Variants in HAPLN4 observed in about 807,000 individuals in gnomAD.
The protein encoded by HAPLN4 is brain link protein 2.
In HAPLN4, 19 loss-of-function variants were observed where a neutral mutation model predicts 28.0. The ratio of observed to expected loss-of-function variants is 0.68; its 90% CI spans 0.47 to 1.00. The LOEUF is 1.00. Among genes scored for constraint, HAPLN4 ranks in the 50% least tolerant of loss-of-function variants. The probability of loss-of-function intolerance (pLI) is 0.00; values close to 1 mark genes in which losing one functional copy is unlikely to be tolerated. For synonymous variants in HAPLN4, 274 were observed against 273.0 expected (o/e 1.00, Z -0.03); for missense variants, 587 against 602.6 (o/e 0.97, Z 0.27).
In HAPLN4 at chr19:19,256,808, T is replaced by C. The variant is rs908499747; in HGVS notation, c.*1009A>G. 1 of 152,408 alleles carries C rather than the reference T, an allele frequency of 6.6e-6. No individual in the cohort carries two copies. Among genetic ancestry groups the C allele is most frequent in the African/African-American group, 2.4e-5 (1 of 41,252 alleles). The allele number at this position is 152,408 out of a possible 1,614,324, so 9.4% of individuals were successfully genotyped here. On this transcript the variant is annotated 3_prime_UTR_variant, in exon 5 of 5. Coordinates refer to ENST00000291481, the MANE Select transcript of HAPLN4 (RefSeq NM_023002.3). ...GGGTGGGGGCCAATGAGATGAGAAA[T>C]GTGTGGTATCCATGGTTACAGCTGG...
intron 3 of HAPLN4, among the ~76,000 whole-genome samples, chr19:19,259,524 C>A (rs1012269936): frequency 6.6e-6 from 1 of 151,192 alleles, no homozygotes; most frequent in Non-Finnish European, 1.5e-5. Flanking sequence ...GGGAGAAGGC[C>A]TGGAGCTGAC....
rs755332618 is a variant in HAPLN4, at chr19:19,260,920, G to C, written c.377C>G (p.Ala126Gly). 1 of 1,614,020 alleles carries C rather than the reference G, an allele frequency of 6.2e-7. No individual in the cohort carries two copies. The highest frequency in any genetic ancestry group is 1.7e-5 in the Admixed American group (1 of 60,026). The change falls in exon 3 of 5, where the codon GCC becomes GGC. Residue 126 changes from alanine (A) to glycine (G), a missense_variant. By Grantham distance (60) the Ala-to-Gly change is moderately conservative. Coordinates refer to ENST00000291481, the MANE Select transcript of HAPLN4 (RefSeq NM_023002.3). ...CGTGACGTTGCGGAGGACCAGGGAG[G>C]CATCCCCAGGCCCGTCGCCCTGCAG... ...AELQGDGPGD[A>G]SLVLRNVTLQ...
At chr19:19,262,121 C>CAGATGTAGAGGGAGAGACAG (rs2060985751) in intron 1 of HAPLN4, among the ~76,000 whole-genome samples, 3 of 147,992 alleles carry the variant, frequency 2.0e-5, no homozygotes, top group African/African-American at 7.5e-5. Flanking sequence ...AAAGAAGAGA[C>CAGATGTAGAGGGAGAGACAG]AGATGTAGAG....
At position 19,257,657 on chromosome 19, in the gene HAPLN4, G is replaced by T; in HGVS notation, c.*160C>A. 1.2e-6 allele frequency: 1 copy of T among 811,880 alleles called. No homozygotes were observed. Among genetic ancestry groups the T allele is most frequent in the Non-Finnish European group, 1.7e-6 (1 of 591,848 alleles). The allele number at this position is 811,880 out of a possible 1,614,324, so 50.3% of individuals were successfully genotyped here. A position where few individuals can be genotyped will look rare whatever the true frequency, so the allele number is the denominator to read the frequency against. ...GAACTCCAAAGTACTGTTCTGCCAG[G>T]ACTAGCCAGTCTTCAGGGACCCCAG... On this transcript the variant is annotated 3_prime_UTR_variant, in exon 5 of 5. Coordinates refer to ENST00000291481, the MANE Select transcript of HAPLN4 (RefSeq NM_023002.3).
intron 3 of HAPLN4, 109 bp downstream of exon 3, chr19:19,260,704 C>G: frequency 7.2e-7 from 1 of 1,392,306 alleles, no homozygotes; most frequent in Non-Finnish European, 9.8e-7. Context: ...TCTACCCCAA[C>G]CAACCTTCTA....
In HAPLN4 at chr19:19,261,021, C is replaced by T; in HGVS notation, c.276G>A (p.Pro92=). The T allele has an allele frequency of 2.5e-6, 4 of 1,613,582 alleles. No individual in the cohort carries two copies. Among genetic ancestry groups the T allele is most frequent in the Non-Finnish European group, 2.5e-6 (3 of 1,180,000 alleles). ...CCACGAAGACGTCGGTGAAGGCCAG[C>T]GGGTCCACCACCTTTGTCCACTTGA... The part of the protein sequence containing the change: ...VRLKWTKVVD[P]LAFTDVFVAL... Residue 92 remains proline, a synonymous_variant, in exon 3 of 5, where the codon CCG becomes CCA. Coordinates refer to ENST00000291481, the MANE Select transcript of HAPLN4 (RefSeq NM_023002.3).
At position 19,261,008 on chromosome 19, in the gene HAPLN4, C is replaced by T; in HGVS notation, c.289G>A (p.Asp97Asn). 5 of 1,613,686 alleles carry T rather than the reference C, an allele frequency of 3.1e-6. No individual in the cohort carries two copies. In the South Asian group the frequency reaches 3.3e-5, roughly 11 times the overall value. ...TGGGGGCCTAGTGCCACGAAGACGT[C>T]GGTGAAGGCCAGCGGGTCCACCACC... Reference protein sequence around the residue: ...TKVVDPLAFTDVFVALGPQHR... With the variant: ...TKVVDPLAFTNVFVALGPQHR... Residue 97 changes from aspartate (D) to asparagine (N), a missense_variant, in exon 3 of 5, where the codon GAC becomes AAC. Physicochemically the swap from Asp to Asn is conservative, Grantham distance 23 (BLOSUM62 1). Transcript: ENST00000291481.
In HAPLN4 at chr19:19,262,682, G is replaced by C. The variant is rs377295631; in HGVS notation, c.3+48C>G. 3.1e-6 allele frequency: 5 copies of C among 1,605,444 alleles called. No individual in the cohort carries two copies. In the African/African-American group the frequency reaches 6.7e-5, roughly 21 times the overall value. On this transcript the variant is annotated intron_variant, in intron 1 of 4. Coordinates refer to ENST00000291481, the MANE Select transcript of HAPLN4 (RefSeq NM_023002.3). ...AGAGGCAGAGAGATATAGAATCCAA[G>C]ATTGGGGAGACGGGGCACACACCAC...
Position 19,258,478 on chromosome 19 carries a change from G to A in HAPLN4, c.817+45C>T, listed in dbSNP as rs745516424. 3.8e-6 allele frequency: 6 copies of A among 1,575,142 alleles called. No homozygotes were observed. Among genetic ancestry groups the A allele is most frequent in the Non-Finnish European group, 5.2e-6 (6 of 1,150,548 alleles). The stretch of plus-strand genomic sequence containing the variant: ...GTGGGGAAGAAGGCCCCGGGGTTGG[G>A]GTAGTGTTGCAGCAGAGGCCAGTCT... On this transcript the variant is annotated intron_variant, in intron 4 of 4. Coordinates refer to ENST00000291481, the MANE Select transcript of HAPLN4 (RefSeq NM_023002.3). The surrounding 1 kb of genome is among the most constrained non-coding windows in gnomAD (Gnocchi z 6.2).
chr19:19,258,318 G>A lies in HAPLN4; in HGVS notation c.818-110C>T, dbSNP rs2060972838. 4.8e-6 allele frequency: 6 copies of A among 1,256,310 alleles called. No individual in the cohort carries two copies. Among genetic ancestry groups the A allele is most frequent in the East Asian group, 2.6e-5 (1 of 39,042 alleles). 77.8% of individuals were successfully genotyped at this position (1,256,310 alleles called of 1,614,324 possible). On this transcript the variant is annotated intron_variant, in intron 4 of 4. Coordinates refer to ENST00000291481, the MANE Select transcript of HAPLN4 (RefSeq NM_023002.3). This position sits in a 1 kb window ranked among gnomAD's most constrained non-coding sequence, Gnocchi z 6.2. ...AGCCTAGGACTCTGGCCTCGGCCCCGGGATCCAGGAACAGTTCCTCCTTTG... is the reference window on the plus strand; with the variant it reads ...AGCCTAGGACTCTGGCCTCGGCCCCAGGATCCAGGAACAGTTCCTCCTTTG...
intron 1 of HAPLN4, among the ~76,000 whole-genome samples, chr19:19,261,990 G>A (rs1467159600): frequency 1.3e-5 from 2 of 152,152 alleles, no homozygotes; most frequent in African/African-American, 4.8e-5. Flanking sequence ...AAGAGGGAGA[G>A]ACGCGGGGAG....
intron 1 of HAPLN4, among the ~76,000 whole-genome samples, chr19:19,261,882 G>A (rs1259746023): frequency 6.6e-6 from 1 of 152,098 alleles, no homozygotes; most frequent in Non-Finnish European, 1.5e-5. Flanking sequence ...GGGGGGTGGG[G>A]AAGAGCTGGA....
chr19:19,259,066 A>G (rs1051504374), intron 3 of HAPLN4, among the ~76,000 whole-genome samples: 2 of 152,024 alleles, frequency 1.3e-5, no homozygotes, highest in African/African-American at 4.8e-5. Context: ...CTCCCCCTTA[A>G]CATACTATTT....
Position 19,258,157 on chromosome 19 carries a change from G to A in HAPLN4, c.869C>T (p.Ala290Val). The stretch of plus-strand genomic sequence containing the variant: ...CGCGCCACGCGCAGCACACGCGCGC[G>A]CAGCTCCGGAGAAGGGTACAGGTCG... The part of the protein sequence containing the change: ...PLRPVPFSGA[A>V]RACAARGAAV... The change falls in exon 5 of 5, where the codon GCG becomes GTG. Residue 290 changes from alanine (A) to valine (V), a missense_variant. By Grantham distance (64) the Ala-to-Val change is moderately conservative. Transcript: ENST00000291481. This position sits in a 1 kb window ranked among gnomAD's most constrained non-coding sequence, Gnocchi z 6.2. 2 of 1,537,776 alleles carry A rather than the reference G, an allele frequency of 1.3e-6. No homozygotes were observed. The highest frequency in any genetic ancestry group is 1.7e-6 in the Non-Finnish European group (2 of 1,148,872).
In HAPLN4 at chr19:19,257,825, G is replaced by T. The variant is rs1229516812; in HGVS notation, c.1201C>A (p.His401Asn). Residue 401 changes from histidine (H) to asparagine (N), a missense_variant, in exon 5 of 5, where the codon CAC becomes AAC. Physicochemically the swap from His to Asn is moderately conservative, Grantham distance 68. Coordinates refer to ENST00000291481, the MANE Select transcript of HAPLN4 (RefSeq NM_023002.3). ...GTCCGCCTACTCCCAGCCTAGACGT[G>T]CAGAGGGGTCCAGGCAGCAGGATCG... ...ARDPAAWTPLHV is the reference protein window; with the variant it reads ...ARDPAAWTPLNV The T allele has an allele frequency of 1.4e-6, 2 of 1,410,072 alleles. No homozygotes were observed. The highest frequency in any genetic ancestry group is 1.8e-6 in the Non-Finnish European group (2 of 1,091,914). The allele number at this position is 1,410,072 out of a possible 1,614,324, so 87.3% of individuals were successfully genotyped here.
intron 3 of HAPLN4, 78 bp downstream of exon 3, chr19:19,260,735 A>G: frequency 6.5e-7 from 1 of 1,529,364 alleles, no homozygotes; most frequent in South Asian, 1.2e-5. Flanking sequence ...GGCCAACTTG[A>G]TTTGGTTTAT....
At chr19:19,262,696 G>A in intron 1 of HAPLN4, 34 bp downstream of exon 1, 1 of 1,611,076 alleles carries the variant, frequency 6.2e-7, no homozygotes. Flanking sequence ...GGGGAGACGG[G>A]GCACACACCA....
chr19:19,258,415 G>T lies in HAPLN4; in HGVS notation c.817+108C>A, dbSNP rs990220651. 1 of 1,245,720 alleles carries T rather than the reference G, an allele frequency of 8.0e-7. No individual in the cohort carries two copies. The highest frequency in any genetic ancestry group is 1.1e-6 in the Non-Finnish European group (1 of 890,218). 77.2% of individuals were successfully genotyped at this position (1,245,720 alleles called of 1,614,324 possible). A position where few individuals can be genotyped will look rare whatever the true frequency, so the allele number is the denominator to read the frequency against. ...GTGTGTGCTGCGCCTAGGCACTCTTGGGAGAGGGGTCTCCTGTTTCTGATC... is the reference window on the plus strand; with the variant it reads ...GTGTGTGCTGCGCCTAGGCACTCTTTGGAGAGGGGTCTCCTGTTTCTGATC... On this transcript the variant is annotated intron_variant, in intron 4 of 4. Coordinates refer to ENST00000291481, the MANE Select transcript of HAPLN4 (RefSeq NM_023002.3). This position sits in a 1 kb window ranked among gnomAD's most constrained non-coding sequence, Gnocchi z 6.2.
In HAPLN4 at chr19:19,262,725, C is replaced by T; in HGVS notation, c.3+5G>A. ...CACACCACCCGCGCCCGCAGCCCCA[C>T]TTACCATCTTGCCCGCGCGGCCCCC... On this transcript the variant is annotated splice_donor_5th_base_variant and intron_variant, in intron 1 of 4. Coordinates refer to ENST00000291481, the MANE Select transcript of HAPLN4 (RefSeq NM_023002.3). The T allele has an allele frequency of 6.2e-7, 1 of 1,612,350 alleles. No homozygotes were observed. Among genetic ancestry groups the T allele is most frequent in the South Asian group, 1.1e-5 (1 of 90,898 alleles).
Sources: allele counts gnomAD v4.1 joint callset (sites outside exome capture counted in the v4.1 genomes callset), GRCh38; gene constraint gnomAD v4.1.1; non-coding constraint Gnocchi (gnomAD v3.1); transcripts MANE v1.5; gene names NCBI Gene and HGNC (gene_info 2026-07-23, HGNC 2026-07-21).